TLCD4: variants seen among roughly 807,000 people sequenced by gnomAD.
The protein encoded by TLCD4 is TLC domain containing 4, also known as TLC domain-containing protein 4.
Under a neutral mutation model 24.2 loss-of-function variants are expected in TLCD4, and 7 were observed. That is an observed-to-expected ratio of 0.29 (90% CI 0.16 to 0.54). The LOEUF is 0.54. Ranked by LOEUF, TLCD4 falls within the 20% of genes least tolerant of loss-of-function variation. The probability of loss-of-function intolerance (pLI) is 0.95; values close to 1 mark genes in which losing one functional copy is unlikely to be tolerated. For synonymous variants in TLCD4, 103 were observed against 106.4 expected, an observed-to-expected ratio of 0.97 and a Z score of 0.20; for missense variants, 259 against 313.9, an observed-to-expected ratio of 0.82 and a Z score of 1.32.
At chr1:95,168,657 A>G (rs1678103735) in intron 5 of TLCD4, among the ~76,000 whole-genome samples, 1 of 146,116 alleles carries the variant, frequency 6.8e-6, no homozygotes, top group African/African-American at 2.6e-5. Context: ...CATTATAGGC[A>G]TGAACCACCA....
chr1:95,134,712 G>C (rs1487798254), intron 1 of TLCD4, among the ~76,000 whole-genome samples: 2 of 152,192 alleles, frequency 1.3e-5, no homozygotes, highest in Admixed American at 6.5e-5. Context: ...GATGAAAACA[G>C]GCATGAGTTA....
At chr1:95,138,679 G>C (rs1677112198) in intron 1 of TLCD4, 1 of 151,746 alleles carries the variant, frequency 6.6e-6, no homozygotes, top group Non-Finnish European at 1.5e-5. Flanking sequence ...ACAATGCCAA[G>C]TATTTGTGTA....
At chr1:95,106,585 C>A in the TLCD4 span, among the ~76,000 whole-genome samples, 1 of 152,012 alleles carries the variant, frequency 6.6e-6, no homozygotes, top group Non-Finnish European at 1.5e-5. Context: ...CCAAGCTACT[C>A]AGGAGGCTGA....
intron 6 of TLCD4, among the ~76,000 whole-genome samples, chr1:95,176,976 TCTAA>T (rs548621662): frequency 3.9e-4 from 59 of 152,312 alleles, no homozygotes; most frequent in African/African-American, 1.2e-3. Context: ...TACAGTAGCT[TCTAA>T]CTGACTTCCT....
intron 6 of TLCD4, among the ~76,000 whole-genome samples, chr1:95,174,391 T>C (rs1455538716): frequency 1.3e-5 from 2 of 151,326 alleles, no homozygotes; most frequent in Non-Finnish European, 2.9e-5. Flanking sequence ...TACTTTTAGC[T>C]GGGCTCAGGG....
the TLCD4 span, among the ~76,000 whole-genome samples, chr1:95,106,110 T>C: frequency 1.3e-5 from 2 of 152,024 alleles, no homozygotes; most frequent in African/African-American, 4.8e-5. Context: ...TAGATAATAT[T>C]CCATTTAAGA....
intron 6 of TLCD4, among the ~76,000 whole-genome samples, chr1:95,178,108 AC>A (rs1327869086): frequency 1.3e-5 from 2 of 148,768 alleles, no homozygotes; most frequent in African/African-American, 5.0e-5. Context: ...ATGCTGCCAC[AC>A]CCGGCTTTTT....
At chr1:95,100,863 C>A in the TLCD4 span, among the ~76,000 whole-genome samples, 1 of 151,766 alleles carries the variant, frequency 6.6e-6, no homozygotes, top group African/African-American at 2.4e-5. Flanking sequence ...GGAATGCAAC[C>A]CCAATTCTGA....
chr1:95,160,742 T>C (rs1275740178), intron 5 of TLCD4, among the ~76,000 whole-genome samples: 1 of 152,246 alleles, frequency 6.6e-6, no homozygotes, highest in Non-Finnish European at 1.5e-5. Flanking sequence ...AGGCCTTTTC[T>C]GCATCTATTG....
At chr1:95,147,588 TAGGTC>T (rs1217250093) in intron 2 of TLCD4, among the ~76,000 whole-genome samples, 5 of 152,192 alleles carry the variant, frequency 3.3e-5, no homozygotes, top group South Asian at 4.1e-4. Flanking sequence ...AACACACTAT[TAGGTC>T]AAGTATATTG....
intron 5 of TLCD4, among the ~76,000 whole-genome samples, chr1:95,161,123 C>T (rs1245499122): frequency 4.3e-4 from 65 of 152,228 alleles, no homozygotes; most frequent in Non-Finnish European, 7.3e-4. Context: ...GCTGTGGATC[C>T]GTCTGCTCCT....
At chr1:95,178,328 T>C (rs2101002125) in intron 6 of TLCD4, among the ~76,000 whole-genome samples, 1 of 152,252 alleles carries the variant, frequency 6.6e-6, no homozygotes, top group East Asian at 1.9e-4. Context: ...AGTGTGATCT[T>C]GGCTCACTGC....
At chr1:95,155,406 T>A (rs1307051876) in intron 5 of TLCD4, among the ~76,000 whole-genome samples, 1 of 152,162 alleles carries the variant, frequency 6.6e-6, no homozygotes, top group African/African-American at 2.4e-5. Flanking sequence ...AAATAACTTG[T>A]GAGTTTTGCC....
intron 5 of TLCD4, among the ~76,000 whole-genome samples, chr1:95,167,859 A>G (rs1191756326): frequency 6.6e-6 from 1 of 152,132 alleles, no homozygotes; most frequent in East Asian, 1.9e-4. Context: ...TTGTTTGATC[A>G]CCAATAAATA....
At chr1:95,168,707 C>T (rs1678104847) in intron 5 of TLCD4, among the ~76,000 whole-genome samples, 1 of 152,004 alleles carries the variant, frequency 6.6e-6, no homozygotes, top group Admixed American at 6.6e-5. Flanking sequence ...TCCTCTCTCC[C>T]ACTCAGAAAT....
At chr1:95,114,055 T>C (rs72720301), upstream of TLCD4, among the ~76,000 whole-genome samples, 3,536 of 152,246 alleles carry the variant, frequency 0.023, 64 homozygotes, top group Middle Eastern at 0.058. Flanking sequence ...AAAAACCTTT[T>C]GGTTTGTTTG....
chr1:95,106,120 A>G, the TLCD4 span, among the ~76,000 whole-genome samples: 3 of 152,090 alleles, frequency 2.0e-5, no homozygotes, highest in African/African-American at 4.8e-5. Flanking sequence ...TCCATTTAAG[A>G]ACTTGTTATT....
At chr1:95,161,102 G>A (rs1310423646) in intron 5 of TLCD4, among the ~76,000 whole-genome samples, 3 of 152,182 alleles carry the variant, frequency 2.0e-5, no homozygotes, top group Admixed American at 1.3e-4. Flanking sequence ...TTGTACCTCT[G>A]GTAGAATTCG....
chr1:95,170,453 C>T (rs1678168487), intron 5 of TLCD4, among the ~76,000 whole-genome samples: 1 of 151,682 alleles, frequency 6.6e-6, no homozygotes. Flanking sequence ...CCTCAGTCTC[C>T]CGAGTAGCTG....
Sources: allele counts gnomAD v4.1 joint callset (sites outside exome capture counted in the v4.1 genomes callset), GRCh38; gene constraint gnomAD v4.1.1; transcripts MANE v1.5; gene names NCBI Gene and HGNC (gene_info 2026-07-23, HGNC 2026-07-21).